The following TTLL8 variants were observed in gnomAD, a reference collection of about 807,000 sequenced individuals.
TTLL8 encodes the protein protein monoglycylase TTLL8.
A neutral mutation model predicts 77.8 loss-of-function variants in TTLL8; 65 were observed. That is an observed-to-expected ratio of 0.84 (90% CI 0.68 to 1.03). The LOEUF (loss-of-function observed/expected upper bound fraction) is 1.03. TTLL8 is among the 50% of genes least tolerant of loss of function. TTLL8 has a pLI of 0.00. For synonymous variants in TTLL8, 402 were observed against 422.8 expected, an observed-to-expected ratio of 0.95 and a Z score of 0.60; for missense variants, 910 against 1,004.5, an observed-to-expected ratio of 0.91 and a Z score of 1.27.
At chr22:50,047,216 G>A (rs1422268047) in exon 4 of TTLL8, 18 of 1,367,510 alleles carry the variant, frequency 1.3e-5, no homozygotes, top group African/African-American at 4.4e-5. Flanking sequence ...GCATCTGGTC[G>A]TAGGTCAGGC....
chr22:50,054,783 C>A (rs1271687031), upstream of TTLL8, among the ~76,000 whole-genome samples: 4 of 152,222 alleles, frequency 2.6e-5, no homozygotes, highest in Non-Finnish European at 5.9e-5. Flanking sequence ...CCAGGCTAGG[C>A]GCAGTCACTC....
rs1232219702 is a variant in TTLL8, at chr22:50,029,271, TG to T, written c.2203+1158del. The stretch of plus-strand genomic sequence containing the variant: ...TCGTAAAGACCCCATCACACCATCC[TG>T]AAGACCCCACACACCCTCGTAAAGA... On this transcript the variant is annotated intron_variant, in intron 12 of 13. Coordinates refer to ENST00000266182, the Ensembl canonical transcript of TTLL8. 6.8e-5 allele frequency among the ~76,000 whole-genome samples: 4 copies of T among 58,434 alleles called. 1 individual carries two copies. The South Asian group carries it at 4.4e-3, about 65-fold the overall frequency. The allele number at this position is 58,434 out of a possible 152,430, so 38.3% of individuals were successfully genotyped here.
chr22:50,045,813 C>T (rs2061406792), intron 5 of TTLL8, 43 bp downstream of exon 7: 1 of 1,299,618 alleles, frequency 7.7e-7, no homozygotes, highest in Non-Finnish European at 1.0e-6. Context: ...CTAGAAGCCT[C>T]TCTGCTGACA....
chr22:50,033,532 T>C (rs1424861288), intron 9 of TTLL8, 87 bp from the exon 11 acceptor site: 2 of 1,203,296 alleles, frequency 1.7e-6, no homozygotes, highest in African/African-American at 1.6e-5. Flanking sequence ...GGTCGCAGCT[T>C]GGCCCTGAGA....
Position 50,041,472 on chromosome 22 carries a change from G to A in TTLL8, c.830+149C>T, listed in dbSNP as rs1291074922. On this transcript the variant is annotated intron_variant, in intron 7 of 13. Coordinates refer to ENST00000266182, the Ensembl canonical transcript of TTLL8. This position sits in a 1 kb window ranked among gnomAD's most constrained non-coding sequence, Gnocchi z 4.3. ...CAGACATCCAGACAGGAGCCCCAAC[G>A]CCAGGACAGGCATCTCAACACTCAA... The A allele has an allele frequency of 3.9e-5, 47 of 1,190,904 alleles. No homozygotes were observed. The highest frequency in any genetic ancestry group is 2.5e-4 in the East Asian group (4 of 15,918). 73.8% of individuals were successfully genotyped at this position (1,190,904 alleles called of 1,614,324 possible). A position where few individuals can be genotyped will look rare whatever the true frequency, so the allele number is the denominator to read the frequency against.
At chr22:50,052,443 G>T (rs1017746585) in intron 1 of TTLL8, among the ~76,000 whole-genome samples, 4 of 152,198 alleles carry the variant, frequency 2.6e-5, no homozygotes, top group Admixed American at 1.3e-4. Flanking sequence ...ACCAGTCCGG[G>T]AGAGCACATG....
upstream of TTLL8, among the ~76,000 whole-genome samples, chr22:50,057,351 TTG>T (rs2061478467): frequency 2.0e-5 from 2 of 98,870 alleles, no homozygotes; most frequent in Admixed American, 1.2e-4. Flanking sequence ...CAGGTCTGGG[TTG>T]TGAGTCAGGT....
chr22:50,057,273 TG>T (rs1327019690), upstream of TTLL8, among the ~76,000 whole-genome samples: 1 of 132,004 alleles, frequency 7.6e-6, no homozygotes, highest in Non-Finnish European at 1.6e-5. Context: ...GGGTCAGGTC[TG>T]GGCTTGGGGG....
chr22:50,045,812 T>C, intron 5 of TTLL8, 44 bp downstream of exon 7: 1 of 1,298,686 alleles, frequency 7.7e-7, no homozygotes, highest in Non-Finnish European at 1.0e-6. Flanking sequence ...TCTAGAAGCC[T>C]CTCTGCTGAC....
chr22:50,031,696 A>G (rs1322898709), exon 11 of TTLL8: 2 of 1,301,824 alleles, frequency 1.5e-6, no homozygotes, highest in Admixed American at 4.2e-5. Context: ...CTGCCTCCAC[A>G]GGAGCTCGAA....
At chr22:50,037,835 T>C (rs980891908) in intron 8 of TTLL8, among the ~76,000 whole-genome samples, 3 of 152,236 alleles carry the variant, frequency 2.0e-5, no homozygotes, top group Non-Finnish European at 4.4e-5. Flanking sequence ...AAGTCTGTTT[T>C]GGCTCTTCTT....
chr22:50,052,143 A>G (rs1354456082), intron 1 of TTLL8, among the ~76,000 whole-genome samples: 1 of 150,268 alleles, frequency 6.7e-6, no homozygotes, highest in African/African-American at 2.4e-5. Flanking sequence ...CTACTCCGAT[A>G]ATCAGTCTGA....
chr22:50,030,312 C>T, intron 12 of TTLL8, 118 bp downstream of exon 13: 2 of 1,127,610 alleles, frequency 1.8e-6, no homozygotes, highest in Non-Finnish European at 2.2e-6. Flanking sequence ...CACCCCGGGC[C>T]CCAGCACCGA....
Position 50,041,374 on chromosome 22 carries a change from C to A in TTLL8, c.831-97G>T. On this transcript the variant is annotated intron_variant, in intron 7 of 13. Coordinates refer to ENST00000266182, the Ensembl canonical transcript of TTLL8. The surrounding 1 kb of genome is among the most constrained non-coding windows in gnomAD (Gnocchi z 4.3). ...CGACACCCATAAGGCACCCCAAGAT[C>A]CAGACAGACACCCCAATACCCAACA... 1 of 770,264 alleles carries A rather than the reference C, an allele frequency of 1.3e-6. No homozygotes were observed. Among genetic ancestry groups the A allele is most frequent in the East Asian group, 5.5e-5 (1 of 18,304 alleles). The allele number at this position is 770,264 out of a possible 1,614,324, so 47.7% of individuals were successfully genotyped here.
chr22:50,037,346 T>G (rs928261888), intron 8 of TTLL8, among the ~76,000 whole-genome samples: 1 of 152,018 alleles, frequency 6.6e-6, no homozygotes, highest in Non-Finnish European at 1.5e-5. Flanking sequence ...TAGCTGGGAC[T>G]ACAGGCACGC....
chr22:50,055,329 C>CA (rs1301874339), upstream of TTLL8: 6 of 1,289,538 alleles, frequency 4.7e-6, no homozygotes, highest in Non-Finnish European at 6.1e-6. Context: ...TTTAATTCTG[C>CA]AAAAGAGAAG....
chr22:50,046,014 C>T (rs1388620373), intron 4 of TTLL8, 44 bp from the exon 7 acceptor site: 4 of 1,310,250 alleles, frequency 3.1e-6, no homozygotes, highest in Non-Finnish European at 3.0e-6. Context: ...CAGCTCAGCT[C>T]AGCTCTGCCT....
At chr22:50,033,748 CAGG>C (rs1355228490) in intron 9 of TTLL8, among the ~76,000 whole-genome samples, 1 of 152,166 alleles carries the variant, frequency 6.6e-6, no homozygotes, top group Non-Finnish European at 1.5e-5. Flanking sequence ...AAAAGGGAGC[CAGG>C]AGGATGGGCA....
At chr22:50,050,965 T>C (rs2146697048) in intron 1 of TTLL8, among the ~76,000 whole-genome samples, 1 of 152,332 alleles carries the variant, frequency 6.6e-6, no homozygotes, top group South Asian at 2.1e-4. Context: ...TCTTCCTTCT[T>C]TAATCCGGTG....
Sources: gnomAD v4.1 joint callset for allele counts (sites outside exome capture counted in the v4.1 genomes callset) on GRCh38, gnomAD v4.1.1 for gene constraint, Gnocchi (gnomAD v3.1) non-coding constraint, MANE v1.5 for transcripts, NCBI Gene and HGNC (gene_info 2026-07-23, HGNC 2026-07-21) for gene names.